Variants in ME3 observed in about 807,000 individuals in gnomAD.
ME3 encodes the protein malic enzyme 3.
Under a neutral mutation model 68.9 loss-of-function variants are expected in ME3, and 48 were observed. The observed-to-expected ratio is 0.70, with a 90% CI of 0.55 to 0.89. The LOEUF is 0.89. ME3 is among the 40% of genes least tolerant of loss of function. The pLI is 0.00. For missense variants in ME3, 675 were observed against 797.4 expected, an observed-to-expected ratio of 0.85 and a Z score of 1.85; for synonymous variants, 320 against 318.8, an observed-to-expected ratio of 1.00 and a Z score of -0.04.
intron 4 of ME3, among the ~76,000 whole-genome samples, chr11:86,541,242 G>A (rs555954525): frequency 6.6e-6 from 1 of 152,206 alleles, no homozygotes; most frequent in African/African-American, 2.4e-5. Context: ...CTAGCTGCAG[G>A]TGTTTTTTTT....
In ME3 at chr11:86,635,178, C is replaced by A. The variant is rs112249317; in HGVS notation, c.183+36584G>T. On this transcript the variant is annotated intron_variant, in intron 2 of 14. Transcript: ENST00000543262. ...TGGTAGTGCACACCTGTAGTCACAG[C>A]TACTCAGGAGGCTGAAGTGGGAGGA... is the stretch of plus-strand genomic sequence containing the variant. Among the ~76,000 whole-genome samples, 496 of 152,334 alleles carry A rather than the reference C, an allele frequency of 3.3e-3. 2 individuals are homozygous for A. The highest frequency in any genetic ancestry group is 0.011 in the African/African-American group (448 of 41,584).
intron 4 of ME3, among the ~76,000 whole-genome samples, chr11:86,518,730 C>T (rs960126430): frequency 1.3e-5 from 2 of 152,120 alleles, no homozygotes; most frequent in Non-Finnish European, 2.9e-5. Context: ...ATTCTAATGT[C>T]GGGTGCCTGT....
chr11:86,468,921 C>T (rs1048243720), intron 7 of ME3, among the ~76,000 whole-genome samples: 1 of 152,142 alleles, frequency 6.6e-6, no homozygotes. Flanking sequence ...GAGAAGGAAT[C>T]TGGAGCTACA....
intron 4 of ME3, among the ~76,000 whole-genome samples, chr11:86,531,524 A>C (rs534695230): frequency 6.6e-6 from 1 of 152,272 alleles, no homozygotes; most frequent in Non-Finnish European, 1.5e-5. Context: ...ATTATAAATC[A>C]TGCTGCTATA....
chr11:86,522,506 G>A (rs1196371148), intron 4 of ME3, among the ~76,000 whole-genome samples: 1 of 151,814 alleles, frequency 6.6e-6, no homozygotes, highest in Non-Finnish European at 1.5e-5. Context: ...TTGTCCTAAT[G>A]CTATCCCTTC....
chr11:86,574,189 C>T lies in ME3; in HGVS notation c.184-14366G>A, dbSNP rs186399583. 3.1e-3 allele frequency among the ~76,000 whole-genome samples: 475 copies of T among 152,260 alleles called. 1 individual carries two copies. The highest frequency in any genetic ancestry group is 6.0e-3 in the South Asian group (29 of 4,812). On this transcript the variant is annotated intron_variant, in intron 2 of 14. Coordinates refer to ENST00000543262, the Ensembl canonical transcript of ME3. ...CTCAAAGGAGTTTGTTATTACCCAC[C>T]TTCTGAAGCCTACTTCTGTCAATTC...
At chr11:86,589,671 G>A (rs1227103600) in intron 2 of ME3, among the ~76,000 whole-genome samples, 1 of 152,126 alleles carries the variant, frequency 6.6e-6, no homozygotes, top group Non-Finnish European at 1.5e-5. Context: ...AAAATTATTG[G>A]GCTAGATTTT....
chr11:86,606,434 A>C (rs1318014281), intron 2 of ME3, among the ~76,000 whole-genome samples: 1 of 152,190 alleles, frequency 6.6e-6, no homozygotes, highest in African/African-American at 2.4e-5. Flanking sequence ...CACACACACA[A>C]GTGCCACTCA....
At chr11:86,568,808 CTTCA>C (rs1298844695) in intron 2 of ME3, among the ~76,000 whole-genome samples, 1 of 152,214 alleles carries the variant, frequency 6.6e-6, no homozygotes, top group East Asian at 1.9e-4. Flanking sequence ...ATCTCTTCTC[CTTCA>C]TTCAACAAAC....
chr11:86,595,813 G>A (rs1402932261), intron 2 of ME3, among the ~76,000 whole-genome samples: 2 of 152,252 alleles, frequency 1.3e-5, no homozygotes, highest in Non-Finnish European at 2.9e-5. Context: ...AAATGCCACA[G>A]CCAGAAGAAC....
intron 2 of ME3, among the ~76,000 whole-genome samples, chr11:86,657,568 A>G (rs181918464): frequency 6.6e-6 from 1 of 152,266 alleles, no homozygotes; most frequent in East Asian, 1.9e-4. Flanking sequence ...GTTTATACCT[A>G]TGTAATAAAC....
At chr11:86,452,856 A>G (rs1001182046) in intron 8 of ME3, among the ~76,000 whole-genome samples, 1 of 152,238 alleles carries the variant, frequency 6.6e-6, no homozygotes, top group Non-Finnish European at 1.5e-5. Flanking sequence ...AGGTGGATAC[A>G]GTGACTGTCT....
chr11:86,550,855 G>A (rs1956632962), intron 4 of ME3, among the ~76,000 whole-genome samples: 1 of 152,032 alleles, frequency 6.6e-6, no homozygotes, highest in Non-Finnish European at 1.5e-5. Context: ...TTTCCAGAGT[G>A]GCTTTGATCA....
At chr11:86,617,402 A>G (rs1943050579) in intron 2 of ME3, among the ~76,000 whole-genome samples, 1 of 152,132 alleles carries the variant, frequency 6.6e-6, no homozygotes, top group Admixed American at 6.5e-5. Context: ...TAAACTCAAT[A>G]TAAAGAAGAC....
intron 4 of ME3, among the ~76,000 whole-genome samples, chr11:86,521,284 A>G (rs965378266): frequency 3.9e-5 from 6 of 152,052 alleles, no homozygotes; most frequent in Admixed American, 2.6e-4. Context: ...AGTCCCAGCT[A>G]CTTCAGAGGC....
At chr11:86,592,409 C>T (rs551783359) in intron 2 of ME3, among the ~76,000 whole-genome samples, 2 of 152,302 alleles carry the variant, frequency 1.3e-5, no homozygotes, top group African/African-American at 4.8e-5. Flanking sequence ...GACAAAATAC[C>T]ACTTGGAAGA....
In ME3 at chr11:86,662,931, C is replaced by T. The variant is rs117653724; in HGVS notation, c.183+8831G>A. ...CCTCTCCTGTTGGGAAGTCCCTGGG[C>T]AGCCTCATAACTCAGAAGCTATGCC... is the stretch of plus-strand genomic sequence containing the variant. On this transcript the variant is annotated intron_variant, in intron 2 of 14. Coordinates refer to ENST00000543262, the Ensembl canonical transcript of ME3. 2.7e-4 allele frequency among the ~76,000 whole-genome samples: 41 copies of T among 152,300 alleles called. No individual in the cohort carries two copies. The East Asian group carries it at 7.5e-3, about 28-fold the overall frequency.
intron 2 of ME3, among the ~76,000 whole-genome samples, chr11:86,603,306 C>T (rs1961037748): frequency 6.6e-6 from 1 of 152,154 alleles, no homozygotes; most frequent in Non-Finnish European, 1.5e-5. Context: ...ACAGACACTT[C>T]TCAAAAGAAG....
chr11:86,586,445 C>T (rs1392460132), intron 2 of ME3, among the ~76,000 whole-genome samples: 1 of 152,068 alleles, frequency 6.6e-6, no homozygotes, highest in Admixed American at 6.6e-5. Flanking sequence ...CACAAGATGC[C>T]GAGGTCCAGG....
Sources: gnomAD v4.1 joint callset for allele counts (sites outside exome capture counted in the v4.1 genomes callset) on GRCh38, gnomAD v4.1.1 for gene constraint, MANE v1.5 for transcripts, NCBI Gene and HGNC (gene_info 2026-07-23, HGNC 2026-07-21) for gene names.